Variants in GPALPP1 observed in about 807,000 individuals in gnomAD.
GPALPP1 encodes the protein GPALPP motifs containing 1.
GPALPP1 carries 30 observed loss-of-function variants against 38.9 expected under a neutral mutation model. The ratio of observed to expected loss-of-function variants is 0.77; its 90% CI spans 0.58 to 1.05. The LOEUF is 1.05. Among genes scored for constraint, GPALPP1 ranks in the 50% least tolerant of loss-of-function variants. The probability of loss-of-function intolerance (pLI) is 0.00; values close to 1 mark genes in which losing one functional copy is unlikely to be tolerated. For synonymous variants in GPALPP1, 120 were observed against 139.2 expected (o/e 0.86, Z 0.97); for missense variants, 384 against 408.8 (o/e 0.94, Z 0.52).
chr13:45,015,215 A>G (rs1874761214), intron 5 of GPALPP1, 132 bp downstream of exon 5: 1 of 627,480 alleles, frequency 1.6e-6, no homozygotes, highest in East Asian at 3.1e-5. Context: ...TTTAGGAGTT[A>G]GAACCCAGAA....
At chr13:45,037,026 G>A (rs1876415686) in exon 8 of GPALPP1, 1 of 152,150 alleles carries the variant, frequency 6.6e-6, no homozygotes, top group South Asian at 2.1e-4. Context: ...CTACAAGGGT[G>A]CATCATTGTT....
chr13:45,014,214 A>G (rs1874673818), intron 4 of GPALPP1, among the ~76,000 whole-genome samples: 1 of 152,214 alleles, frequency 6.6e-6, no homozygotes, highest in Non-Finnish European at 1.5e-5. Context: ...TCATAGTTTT[A>G]AAATTTCATT....
chr13:45,035,716 C>T (rs1876383363), exon 8 of GPALPP1: 2 of 152,160 alleles, frequency 1.3e-5, no homozygotes, highest in Admixed American at 1.3e-4. Flanking sequence ...ATTTGTAATC[C>T]TTAAACTATT....
At chr13:45,019,114 TG>T (rs1185642850) in intron 6 of GPALPP1, among the ~76,000 whole-genome samples, 2 of 142,832 alleles carry the variant, frequency 1.4e-5, no homozygotes, top group African/African-American at 5.1e-5. Context: ...TATATTTATA[TG>T]TATATATATT....
At chr13:45,009,826 A>G (rs1192942401) in intron 4 of GPALPP1, among the ~76,000 whole-genome samples, 2 of 152,240 alleles carry the variant, frequency 1.3e-5, no homozygotes, top group Non-Finnish European at 2.9e-5. Context: ...TGAATCTGTC[A>G]ACAAATTATT....
chr13:45,022,223 T>C (rs1041211616), intron 7 of GPALPP1, among the ~76,000 whole-genome samples: 1 of 152,222 alleles, frequency 6.6e-6, no homozygotes, highest in East Asian at 1.9e-4. Context: ...TATGTTTATA[T>C]AGAGCTGTAC....
intron 4 of GPALPP1, among the ~76,000 whole-genome samples, chr13:45,010,439 G>T (rs1013381303): frequency 2.0e-5 from 3 of 151,370 alleles, no homozygotes; most frequent in Non-Finnish European, 4.4e-5. Flanking sequence ...GTTTATTGTT[G>T]ACCTCTTTCC....
rs1872604119 is a variant in GPALPP1 at position 44,989,579 on chromosome 13, G to C, written c.-76G>C. On this transcript the variant is annotated 5_prime_UTR_variant, in exon 1 of 8. Transcript: ENST00000379151. ...GGGAAACCTGCCATTCTTCGCTGCT[G>C]ATCGCGGGATTCTTTTTGGATAGGG... The C allele has an allele frequency of 6.7e-7, 1 of 1,496,546 alleles. No individual in the cohort carries two copies. The highest frequency in any genetic ancestry group is 1.8e-5 in the Admixed American group (1 of 57,018). 92.7% of individuals were successfully genotyped at this position (1,496,546 alleles called of 1,614,324 possible).
At chr13:44,996,489 ATTT>A (rs200713423) in intron 1 of GPALPP1, among the ~76,000 whole-genome samples, 2 of 146,822 alleles carry the variant, frequency 1.4e-5, no homozygotes, top group Non-Finnish European at 3.0e-5. Flanking sequence ...TGGGAACGGG[ATTT>A]TTTTTTTTTT....
intron 1 of GPALPP1, among the ~76,000 whole-genome samples, chr13:44,997,804 C>T (rs1055642822): frequency 3.9e-5 from 6 of 152,174 alleles, no homozygotes; most frequent in African/African-American, 1.4e-4. Context: ...ACTGCTTTAT[C>T]CCATTGGGTA....
At position 45,008,871 on chromosome 13, in the gene GPALPP1, G is replaced by C. The variant is rs143551108; in HGVS notation, c.400G>C (p.Gly134Arg). Residue 134 changes from glycine (G) to arginine (R), a missense_variant, in exon 4 of 8, where the codon GGA becomes CGA. Coordinates refer to ENST00000379151, the MANE Select transcript of GPALPP1 (RefSeq NM_018559.5). ...QKSDKGRDDP[G>R]QQETDSSEDE... The stretch of plus-strand genomic sequence containing the variant: ...AAGTGACAAGGGCAGAGATGATCCA[G>C]GACAACAGGTATCATCATCCCATTT... The C allele has an allele frequency of 3.3e-4, 513 of 1,561,654 alleles. 3 individuals are homozygous for C. In the African/African-American group the frequency reaches 6.1e-3, roughly 18 times the overall value.
intron 1 of GPALPP1, 62 bp from the exon 2 acceptor site, chr13:45,004,243 C>CT (rs1381516391): frequency 1.5e-5 from 21 of 1,369,790 alleles, no homozygotes; most frequent in Non-Finnish European, 2.1e-5. Flanking sequence ...TGAAAAATAT[C>CT]AGCTAGAAGG....
rs746598000 is a variant in GPALPP1 at position 45,015,529 on chromosome 13, C to T, written c.638C>T (p.Ala213Val). 1 of 1,604,388 alleles carries T rather than the reference C, an allele frequency of 6.2e-7. No homozygotes were observed. The highest frequency in any genetic ancestry group is 1.3e-5 in the African/African-American group (1 of 74,360). The change falls in exon 6 of 8, where the codon GCT becomes GTT. Residue 213 changes from alanine (A) to valine (V), a missense_variant. Ala to Val is a moderately conservative substitution (Grantham distance 64). Coordinates refer to ENST00000379151, the MANE Select transcript of GPALPP1 (RefSeq NM_018559.5). ...GLGPRTFKRRADDTSGDRSIW... is the reference protein window; with the variant it reads ...GLGPRTFKRRVDDTSGDRSIW... ...GGGCCAAGGACTTTTAAGAGAAGAGCTGATGACACATCTGGAGATCGATCA... is the reference window on the plus strand; with the variant it reads ...GGGCCAAGGACTTTTAAGAGAAGAGTTGATGACACATCTGGAGATCGATCA...
At chr13:44,996,078 G>A (rs1873246834) in intron 1 of GPALPP1, among the ~76,000 whole-genome samples, 1 of 152,126 alleles carries the variant, frequency 6.6e-6, no homozygotes, top group Admixed American at 6.5e-5. Flanking sequence ...TTCCTGGTCA[G>A]GCGCAGTGGC....
At chr13:45,020,040 A>C (rs563735859) in intron 6 of GPALPP1, among the ~76,000 whole-genome samples, 1 of 151,760 alleles carries the variant, frequency 6.6e-6, no homozygotes, top group East Asian at 1.9e-4. Flanking sequence ...ACCCGCCACC[A>C]TGCCCAGCTT....
At chr13:45,001,729 T>A (rs1873693892) in intron 1 of GPALPP1, 1 of 152,258 alleles carries the variant, frequency 6.6e-6, no homozygotes, top group East Asian at 1.9e-4. Flanking sequence ...TCGCACAGGC[T>A]GGAGTGCAAT....
intron 1 of GPALPP1, among the ~76,000 whole-genome samples, chr13:44,995,574 C>A (rs1413420551): frequency 6.6e-6 from 1 of 152,140 alleles, no homozygotes; most frequent in African/African-American, 2.4e-5. Flanking sequence ...ATTCCAAGTT[C>A]AGGAGCAAAG....
At chr13:45,034,044 G>A (rs1876320690), downstream of GPALPP1, 1 of 152,202 alleles carries the variant, frequency 6.6e-6, no homozygotes, top group African/African-American at 2.4e-5. Flanking sequence ...TGAATGATAG[G>A]AATCTGAACA....
chr13:45,011,883 A>G (rs1429745800), intron 4 of GPALPP1, among the ~76,000 whole-genome samples: 1 of 152,204 alleles, frequency 6.6e-6, no homozygotes, highest in Non-Finnish European at 1.5e-5. Flanking sequence ...TTCCAGCCAT[A>G]TGGAAGACTG....
Sources: gnomAD v4.1 joint callset for allele counts (sites outside exome capture counted in the v4.1 genomes callset) on GRCh38, gnomAD v4.1.1 for gene constraint, MANE v1.5 for transcripts, NCBI Gene and HGNC (gene_info 2026-07-23, HGNC 2026-07-21) for gene names.